FUT8: variants seen among roughly 807,000 people sequenced by gnomAD.
FUT8 encodes alpha-(1,6)-fucosyltransferase.
FUT8 carries 29 observed loss-of-function variants against 71.3 expected under a neutral mutation model. The ratio of observed to expected loss-of-function variants is 0.41; its 90% CI spans 0.30 to 0.55. FUT8 has a LOEUF of 0.55. Among genes scored for constraint, FUT8 ranks in the 20% least tolerant of loss-of-function variants. FUT8 has a pLI of 0.34. For missense variants in FUT8, 544 were observed against 702.1 expected (o/e 0.77, Z 2.55); for synonymous variants, 254 against 239.3 (o/e 1.06, Z -0.57).
At chr14:65,702,593 G>A (rs1445119039) in intron 7 of FUT8, among the ~76,000 whole-genome samples, 1 of 152,084 alleles carries the variant, frequency 6.6e-6, no homozygotes, top group Admixed American at 6.5e-5. Context: ...AAAGGAGTCT[G>A]GCCCTTCATC....
In FUT8 at chr14:65,730,230, T is replaced by C. The variant is rs2300873; in HGVS notation, c.1260-3001T>C. Among the ~76,000 whole-genome samples the C allele has an allele frequency of 4.0e-3, 603 of 152,324 alleles. 4 individuals carry two copies. The highest frequency in any genetic ancestry group is 0.035 in the East Asian group (179 of 5,182). On this transcript the variant is annotated intron_variant, in intron 9 of 10. Transcript: ENST00000673929. ...TATAGTGTTCACACAGTCAGAGGTA[T>C]AGTGTTGACACAGTCAGAGGAGAAT... is the stretch of plus-strand genomic sequence containing the variant.
chr14:65,485,181 AAT>A (rs1025987659), intron 2 of FUT8, among the ~76,000 whole-genome samples: 4 of 152,022 alleles, frequency 2.6e-5, no homozygotes, highest in African/African-American at 7.3e-5. Flanking sequence ...TATTAAAAAA[AAT>A]AATAATAATT....
chr14:65,565,231 G>GAGGAGC (rs1320246870), intron 3 of FUT8, among the ~76,000 whole-genome samples: 2 of 151,922 alleles, frequency 1.3e-5, no homozygotes, highest in Non-Finnish European at 2.9e-5. Context: ...ATCTCTGAAG[G>GAGGAGC]AGGAGCATTA....
At chr14:65,549,631 G>A (rs17102757) in intron 2 of FUT8, among the ~76,000 whole-genome samples, 10,301 of 152,160 alleles carry the variant, frequency 0.068, 624 homozygotes, top group South Asian at 0.19. Flanking sequence ...GCCCCAAAAC[G>A]GATATTGTAA....
At chr14:65,464,095 T>G (rs2066005265) in intron 2 of FUT8, among the ~76,000 whole-genome samples, 1 of 152,168 alleles carries the variant, frequency 6.6e-6, no homozygotes. Flanking sequence ...TGAAAGTTGT[T>G]TAATTGGAGT....
intron 6 of FUT8, among the ~76,000 whole-genome samples, chr14:65,649,456 A>G (rs758813915): frequency 2.0e-5 from 3 of 152,200 alleles, no homozygotes; most frequent in African/African-American, 4.8e-5. Context: ...AAAAGTTGCT[A>G]TTGTGTCCCA....
intron 3 of FUT8, among the ~76,000 whole-genome samples, chr14:65,580,110 C>T (rs765931927): frequency 5.7e-4 from 81 of 142,538 alleles, no homozygotes; most frequent in Non-Finnish European, 1.0e-3. Flanking sequence ...TGCTTAAGGG[C>T]GGGATTACAT....
At chr14:65,362,961 C>T in the FUT8 span, among the ~76,000 whole-genome samples, 11 of 69,360 alleles carry the variant, frequency 1.6e-4, no homozygotes, top group Non-Finnish European at 1.8e-4. Context: ...GACTCTGTTT[C>T]AAAAAAAAAA....
At chr14:65,621,605 A>G (rs757344130) in intron 5 of FUT8, among the ~76,000 whole-genome samples, 2 of 151,792 alleles carry the variant, frequency 1.3e-5, no homozygotes, top group Non-Finnish European at 2.9e-5. Context: ...CTTGTTGCCC[A>G]GGCTGGAGTG....
chr14:65,458,921 T>A (rs1485003917), intron 2 of FUT8, among the ~76,000 whole-genome samples: 1 of 151,942 alleles, frequency 6.6e-6, no homozygotes, highest in Non-Finnish European at 1.5e-5. Flanking sequence ...CCCAAATAGC[T>A]GGGATTACAG....
At chr14:65,666,125 A>G (rs1316530710) in intron 6 of FUT8, among the ~76,000 whole-genome samples, 1 of 152,080 alleles carries the variant, frequency 6.6e-6, no homozygotes, top group Non-Finnish European at 1.5e-5. Context: ...GAGAAGTGAA[A>G]GAATTTTTTA....
chr14:65,740,784 A>G (rs1046852698), intron 10 of FUT8, among the ~76,000 whole-genome samples: 2 of 151,930 alleles, frequency 1.3e-5, no homozygotes, highest in African/African-American at 4.8e-5. Flanking sequence ...CCATGATCCA[A>G]TCACCTCCCA....
intron 2 of FUT8, among the ~76,000 whole-genome samples, chr14:65,459,644 G>C (rs1029421473): frequency 2.0e-5 from 3 of 152,120 alleles, no homozygotes; most frequent in African/African-American, 7.2e-5. Context: ...AATGTCTCCA[G>C]ATAGCTGTAT....
At chr14:65,719,449 G>A (rs1036360923) in intron 7 of FUT8, among the ~76,000 whole-genome samples, 6 of 151,862 alleles carry the variant, frequency 4.0e-5, no homozygotes, top group East Asian at 1.9e-4. Flanking sequence ...TCAGGATTTG[G>A]TCCCTGGTGC....
Position 65,742,471 on chromosome 14 carries a change from T to G in FUT8, c.*61T>G. On this transcript the variant is annotated 3_prime_UTR_variant, in exon 11 of 11. Coordinates refer to ENST00000673929, the MANE Select transcript of FUT8 (RefSeq NM_001371533.1). The stretch of plus-strand genomic sequence containing the variant: ...TCGACCAAACTCAGTTCAAACCATT[T>G]CAGCCAAACTGTAGATGAAGAGGGC... The G allele has an allele frequency of 6.9e-7, 1 of 1,446,384 alleles. No individual in the cohort carries two copies. The highest frequency in any genetic ancestry group is 9.5e-7 in the Non-Finnish European group (1 of 1,057,310). The allele number at this position is 1,446,384 out of a possible 1,614,324, so 89.6% of individuals were successfully genotyped here.
intron 2 of FUT8, among the ~76,000 whole-genome samples, chr14:65,539,051 A>C (rs1017196766): frequency 6.6e-6 from 1 of 152,232 alleles, no homozygotes; most frequent in Non-Finnish European, 1.5e-5. Context: ...ACATTTAATT[A>C]TTCAAGATCT....
At chr14:65,682,896 G>A (rs1005141739) in intron 7 of FUT8, among the ~76,000 whole-genome samples, 6 of 152,028 alleles carry the variant, frequency 3.9e-5, no homozygotes, top group African/African-American at 1.2e-4. Flanking sequence ...TTTTTAAGCT[G>A]TAAAAATGTG....
Position 65,599,771 on chromosome 14 carries a change from G to C in FUT8, c.204-16207G>C, listed in dbSNP as rs187945318. On this transcript the variant is annotated intron_variant, in intron 3 of 10. Transcript: ENST00000673929. The stretch of plus-strand genomic sequence containing the variant: ...ATATTTAAAAGACTTACAGTAGTGT[G>C]AATTGGCACATAACCAAGGTCTTTC... 2.8e-3 allele frequency among the ~76,000 whole-genome samples: 431 copies of C among 152,280 alleles called. 2 individuals are homozygous for C. Among genetic ancestry groups the C allele is most frequent in the African/African-American group, 9.9e-3 (410 of 41,560 alleles).
upstream of FUT8, among the ~76,000 whole-genome samples, chr14:65,407,233 A>T (rs1261955480): frequency 6.6e-6 from 1 of 152,188 alleles, no homozygotes; most frequent in Non-Finnish European, 1.5e-5. Flanking sequence ...CTAAGTTGGA[A>T]ACTATGGTCA....
Sources: gnomAD v4.1 joint callset for allele counts (sites outside exome capture counted in the v4.1 genomes callset) on GRCh38, gnomAD v4.1.1 for gene constraint, MANE v1.5 for transcripts, NCBI Gene and HGNC (gene_info 2026-07-23, HGNC 2026-07-21) for gene names.